Variants in TPM2 observed in about 807,000 individuals in gnomAD.
TPM2 encodes tropomyosin 2.
Under a neutral mutation model 41.0 loss-of-function variants are expected in TPM2, and 26 were observed. That is an observed-to-expected ratio of 0.63 (90% confidence interval 0.46 to 0.88). TPM2 has a LOEUF of 0.88. Ranked by LOEUF, TPM2 falls within the 40% of genes least tolerant of loss-of-function variation. The probability of loss-of-function intolerance (pLI) is 0.00; values close to 1 mark genes in which losing one functional copy is unlikely to be tolerated. For missense variants in TPM2, 187 were observed against 355.2 expected, an observed-to-expected ratio of 0.53 and a Z score of 3.81; for synonymous variants, 143 against 139.3, an observed-to-expected ratio of 1.03 and a Z score of -0.19.
intron 2 of TPM2, among the ~76,000 whole-genome samples, chr9:35,686,118 C>T (rs1480142713): frequency 5.3e-5 from 8 of 152,142 alleles, no homozygotes; most frequent in South Asian, 4.1e-4. Flanking sequence ...GGCATGGTGG[C>T]GCATGCCTGT....
Position 35,689,893 on chromosome 9 carries a change from A to T in TPM2, c.-76T>A, listed in dbSNP as rs892956399. On this transcript the variant is annotated 5_prime_UTR_variant, in exon 1 of 9. Transcript: ENST00000645482. ...TGGGCTGGGTGAGCGGACTGGGTGC[A>T]CCGGTGGCAGGCGAGGAGGACGGAG... The T allele has an allele frequency of 3.1e-6, 5 of 1,607,706 alleles. No homozygotes were observed. The highest frequency in any genetic ancestry group is 4.2e-6 in the Non-Finnish European group (5 of 1,178,106).
In TPM2 at chr9:35,685,007, GGGAAGGTGA is replaced by G. The variant is rs1824806273; in HGVS notation, c.564-209_564-201del. 1.1e-5 allele frequency: 17 copies of G among 1,614,158 alleles called. No homozygotes were observed. The South Asian group carries it at 1.9e-4, about 18-fold the overall frequency. The stretch of plus-strand genomic sequence containing the variant: ...GAGCAGCCTGCGGTGCTGAGACGGA[GGGAAGGTGA>G]GCTGAGAGAAGGCGCCATTGCCCAG... On this transcript the variant is annotated intron_variant, in intron 5 of 8. Transcript: ENST00000645482. This position sits in a 1 kb window ranked among gnomAD's most constrained non-coding sequence, Gnocchi z 5.0.
chr9:35,684,842 G>GTGGCGGGGGGGGGC (rs1824788765), intron 5 of TPM2, 35 bp from the exon 6 acceptor site: 1 of 1,613,784 alleles, frequency 6.2e-7, no homozygotes, highest in Non-Finnish European at 8.5e-7. Context: ...GGCAGGGTGT[G>GTGGCGGGGGGGGGC]AGGGCACAGC....
chr9:35,682,087 G>A (rs372101854), downstream of TPM2: 73 of 1,614,088 alleles, frequency 4.5e-5, 3 homozygotes, highest in South Asian at 7.4e-4. Flanking sequence ...GCCCTCACAG[G>A]TTGTTGAGTT....
In TPM2 at chr9:35,682,965, G is replaced by A. The variant is rs561175276; in HGVS notation, c.*194C>T. On this transcript the variant is annotated 3_prime_UTR_variant, in exon 9 of 9. Transcript: ENST00000645482. ...AGAATTTATTAAGCAGCAAAGGAGG[G>A]TGGAAGGGGATAGGTAAAGGATGAA... The A allele has an allele frequency of 9.7e-4, 1,469 of 1,519,198 alleles. 3 individuals carry two copies. Among genetic ancestry groups the A allele is most frequent in the Non-Finnish European group, 1.2e-3 (1,388 of 1,129,586 alleles). 94.1% of individuals were successfully genotyped at this position (1,519,198 alleles called of 1,614,324 possible). A position where few individuals can be genotyped will look rare whatever the true frequency, so the allele number is the denominator to read the frequency against.
chr9:35,683,285 G>C (rs1183958120), intron 8 of TPM2, 44 bp from the exon 9 acceptor site: 1 of 1,513,562 alleles, frequency 6.6e-7, no homozygotes, highest in East Asian at 2.5e-5. Context: ...GTGTGGGAAA[G>C]GGAGTGGAGG....
Position 35,689,586 on chromosome 9 carries a change from C to G in TPM2, c.114+118G>C. The stretch of plus-strand genomic sequence containing the variant: ...CCTGAGGGTACTGCGAAGGCCCAGC[C>G]CCCACCCTGGGTGAGAGAGAGCCTT... On this transcript the variant is annotated intron_variant, in intron 1 of 8. Coordinates refer to ENST00000645482, the MANE Select transcript of TPM2 (RefSeq NM_003289.4). The G allele has an allele frequency of 1.9e-6, 3 of 1,567,514 alleles. No homozygotes were observed. In the South Asian group the frequency reaches 3.4e-5, roughly 18 times the overall value.
intron 2 of TPM2, among the ~76,000 whole-genome samples, chr9:35,686,636 CAAAAA>C: frequency 9.6e-6 from 1 of 104,368 alleles, no homozygotes; most frequent in South Asian, 3.5e-4. Flanking sequence ...GATCCCATCT[CAAAAA>C]AAAAAAAAAA....
chr9:35,689,889 G>T lies in TPM2; in HGVS notation c.-72C>A, dbSNP rs956513052. 6.8e-6 allele frequency: 11 copies of T among 1,608,662 alleles called. No individual in the cohort carries two copies. The East Asian group carries it at 2.2e-4, about 33-fold the overall frequency. On this transcript the variant is annotated 5_prime_UTR_variant, in exon 1 of 9. Coordinates refer to ENST00000645482, the MANE Select transcript of TPM2 (RefSeq NM_003289.4). Reference sequence around the variant, plus strand: ...GGACTGGGCTGGGTGAGCGGACTGGGTGCACCGGTGGCAGGCGAGGAGGAC... The same window carrying T: ...GGACTGGGCTGGGTGAGCGGACTGGTTGCACCGGTGGCAGGCGAGGAGGAC...
chr9:35,684,476 G>A lies in TPM2; in HGVS notation c.702+12C>T, dbSNP rs1824757035. 3 of 1,614,174 alleles carry A rather than the reference G, an allele frequency of 1.9e-6. No homozygotes were observed. Among genetic ancestry groups the A allele is most frequent in the East Asian group, 2.2e-5 (1 of 44,888 alleles). On this transcript the variant is annotated intron_variant, in intron 7 of 8. Transcript: ENST00000645482. ...CTTGAGGGGAGACTGGGAACTGGAA[G>A]AGGACTCTCACCTCCTTCAGCTTCT...
In TPM2 at chr9:35,683,029, T is replaced by TCCCTAGGCTGCTCC; in HGVS notation, c.*116_*129dup. Reference sequence around the variant, plus strand: ...TGGGTGGTGGGCATGATGGGGGCTCTCCCTAGGCTGCTCCCAGCCTGGCTG... The same window carrying TCCCTAGGCTGCTCC: ...TGGGTGGTGGGCATGATGGGGGCTCTCCCTAGGCTGCTCCCCCTAGGCTGCTCCCAGCCTGGCTG... On this transcript the variant is annotated 3_prime_UTR_variant, in exon 9 of 9. Transcript: ENST00000645482. 2 of 1,548,248 alleles carry TCCCTAGGCTGCTCC rather than the reference T, an allele frequency of 1.3e-6. No individual in the cohort carries two copies. The highest frequency in any genetic ancestry group is 2.4e-5 in the South Asian group (2 of 83,496).
In TPM2 at chr9:35,685,631, C is replaced by T. The variant is rs769858878; in HGVS notation, c.374+16G>A. ...CTTCTCCCTCCCGGACCATCCTCCC[C>T]GAGGCCCCTGACCACCTCTCGCTCT... is the stretch of plus-strand genomic sequence containing the variant. On this transcript the variant is annotated intron_variant, in intron 3 of 8. Transcript: ENST00000645482. The surrounding 1 kb of genome is among the most constrained non-coding windows in gnomAD (Gnocchi z 5.0). 1.8e-5 allele frequency: 29 copies of T among 1,614,038 alleles called. No individual in the cohort carries two copies. Among genetic ancestry groups the T allele is most frequent in the Admixed American group, 1.5e-4 (9 of 60,004 alleles).
chr9:35,682,215 T>A (rs746091183), downstream of TPM2: 19 of 1,593,262 alleles, frequency 1.2e-5, no homozygotes, highest in East Asian at 3.6e-4. Flanking sequence ...GGGGGAGACG[T>A]GGGGAGGCAG....
chr9:35,684,918 TG>T, intron 5 of TPM2, 111 bp from the exon 6 acceptor site: 1 of 1,609,950 alleles, frequency 6.2e-7, no homozygotes, highest in South Asian at 1.1e-5. Flanking sequence ...AGCAAAGTTG[TG>T]AGAGTGACAG....
rs750511595 is a variant in TPM2 at position 35,684,827 on chromosome 9, G to GC, written c.564-21_564-20insG. ...CATTTACTGCAGGGGGTGTGTGGCG[G>GC]GGGGGGCAGGGTGTGAGGGCACAGC... On this transcript the variant is annotated intron_variant, in intron 5 of 8. Coordinates refer to ENST00000645482, the MANE Select transcript of TPM2 (RefSeq NM_003289.4). 7.5e-5 allele frequency: 121 copies of GC among 1,613,510 alleles called. No homozygotes were observed. Among genetic ancestry groups the GC allele is most frequent in the African/African-American group, 5.6e-4 (42 of 74,884 alleles).
chr9:35,682,412 C>A, downstream of TPM2: 2 of 1,248,286 alleles, frequency 1.6e-6, no homozygotes, highest in Non-Finnish European at 2.1e-6. Context: ...GAGTCATAAA[C>A]TACTTTATCC....
intron 7 of TPM2, 70 bp downstream of exon 7, chr9:35,684,418 G>A (rs1283999273): frequency 4.3e-6 from 7 of 1,611,532 alleles, no homozygotes; most frequent in Non-Finnish European, 5.1e-6. Context: ...CAAGTGTCCT[G>A]CCACAGGCCG....
In TPM2 at chr9:35,685,299, C is replaced by T. The variant is rs765802464; in HGVS notation, c.533G>A (p.Arg178His). The T allele has an allele frequency of 7.4e-6, 12 of 1,614,108 alleles. No homozygotes were observed. The highest frequency in any genetic ancestry group is 2.2e-5 in the South Asian group (2 of 91,094). Reference sequence around the variant, plus strand: ...GGCCACCTCAGCCCTCTCCTCCGAGCGCTCCAGCTCTCCTTCCAGGATCAC... The same window carrying T: ...GGCCACCTCAGCCCTCTCCTCCGAGTGCTCCAGCTCTCCTTCCAGGATCAC... ...KLVILEGELERSEERAEVAES... is the reference protein window; with the variant it reads ...KLVILEGELEHSEERAEVAES... Residue 178 changes from arginine (R) to histidine (H), a missense_variant, in exon 5 of 9, where the codon CGC (arginine) becomes CAC (histidine). Transcript: ENST00000645482. This position sits in a 1 kb window ranked among gnomAD's most constrained non-coding sequence, Gnocchi z 5.0.
At chr9:35,683,711 CCA>C (rs1472437658) in intron 8 of TPM2, among the ~76,000 whole-genome samples, 1 of 152,226 alleles carries the variant, frequency 6.6e-6, no homozygotes, top group South Asian at 2.1e-4. Flanking sequence ...ATAGAAATAG[CCA>C]CAGACTCACA....
Sources: gnomAD v4.1 joint callset for allele counts (sites outside exome capture counted in the v4.1 genomes callset) on GRCh38, gnomAD v4.1.1 for gene constraint, Gnocchi (gnomAD v3.1) non-coding constraint, MANE v1.5 for transcripts, NCBI Gene and HGNC (gene_info 2026-07-23, HGNC 2026-07-21) for gene names.